Variants in AGBL4 observed in about 807,000 individuals in gnomAD.
The protein encoded by AGBL4 is cytosolic carboxypeptidase 6.
Under a neutral mutation model 66.4 loss-of-function variants are expected in AGBL4, and 58 were observed. That is an observed-to-expected ratio of 0.87 (90% CI 0.71 to 1.09). The LOEUF (loss-of-function observed/expected upper bound fraction) is 1.09, where lower values mean the gene tolerates loss of function less well. AGBL4 is among the 50% of genes least tolerant of loss of function. The pLI, the probability that AGBL4 is intolerant of heterozygous loss-of-function variation, is 0.00. For missense variants in AGBL4, 579 were observed against 631.0 expected (o/e 0.92, Z 0.88); for synonymous variants, 234 against 222.9 (o/e 1.05, Z -0.44).
chr1:49,889,591 C>T (rs897300744), intron 1 of AGBL4, among the ~76,000 whole-genome samples: 1 of 151,794 alleles, frequency 6.6e-6, no homozygotes, highest in Non-Finnish European at 1.5e-5. Flanking sequence ...CCCATCTCTA[C>T]TAAAAATACA....
intron 12 of AGBL4, among the ~76,000 whole-genome samples, chr1:48,536,413 A>G (rs949845054): frequency 6.6e-6 from 1 of 152,210 alleles, no homozygotes; most frequent in African/African-American, 2.4e-5. Flanking sequence ...ACATTACCCT[A>G]AAGGTAATGG....
chr1:48,556,957 T>C (rs1344187873), intron 11 of AGBL4, among the ~76,000 whole-genome samples: 1 of 152,040 alleles, frequency 6.6e-6, no homozygotes, highest in Non-Finnish European at 1.5e-5. Flanking sequence ...GCCTGGCTAA[T>C]TTTTTGTATT....
intron 4 of AGBL4, among the ~76,000 whole-genome samples, chr1:49,178,035 A>G (rs1646863009): frequency 6.6e-6 from 1 of 152,176 alleles, no homozygotes. Flanking sequence ...AAATTATAAC[A>G]TGTCCTAAGA....
At chr1:49,423,262 T>G (rs910456360) in intron 3 of AGBL4, 1 of 152,242 alleles carries the variant, frequency 6.6e-6, no homozygotes, top group Admixed American at 6.5e-5. Context: ...TAAAAGCTTC[T>G]TCAAGACAGG....
intron 3 of AGBL4, among the ~76,000 whole-genome samples, chr1:49,380,654 T>C (rs1470842989): frequency 1.3e-5 from 2 of 151,852 alleles, no homozygotes; most frequent in Non-Finnish European, 2.9e-5. Flanking sequence ...GAGATATAGA[T>C]CAATGGAACA....
intron 2 of AGBL4, among the ~76,000 whole-genome samples, chr1:49,770,550 T>A (rs1228451547): frequency 6.6e-6 from 1 of 152,208 alleles, no homozygotes; most frequent in African/African-American, 2.4e-5. Flanking sequence ...TTTGAAAGTA[T>A]TCCCTCCTCT....
chr1:49,454,739 C>T (rs1189442011), intron 3 of AGBL4, among the ~76,000 whole-genome samples: 3 of 151,470 alleles, frequency 2.0e-5, no homozygotes, highest in Admixed American at 6.6e-5. Context: ...GTGAGTATAA[C>T]GTGGTCCTTG....
At chr1:48,842,017 T>C (rs1646817462) in intron 6 of AGBL4, among the ~76,000 whole-genome samples, 1 of 152,216 alleles carries the variant, frequency 6.6e-6, no homozygotes. Context: ...TCAGTTTACA[T>C]TCTGACATGT....
chr1:49,201,037 C>T (rs904295490), intron 4 of AGBL4, among the ~76,000 whole-genome samples: 12 of 152,234 alleles, frequency 7.9e-5, no homozygotes, highest in Admixed American at 2.0e-4. Flanking sequence ...GATAGTCCAA[C>T]GGTTTTAGGA....
intron 2 of AGBL4, among the ~76,000 whole-genome samples, chr1:49,790,095 A>C (rs1310446864): frequency 3.3e-5 from 5 of 152,128 alleles, no homozygotes; most frequent in Non-Finnish European, 7.4e-5. Context: ...TTCCCTATTT[A>C]AGGCCAGGCA....
chr1:48,989,288 T>G (rs1028603045), intron 5 of AGBL4, among the ~76,000 whole-genome samples: 15 of 152,212 alleles, frequency 9.9e-5, no homozygotes, highest in South Asian at 6.2e-4. Context: ...TGATATATTT[T>G]GATACAGGCA....
intron 3 of AGBL4, among the ~76,000 whole-genome samples, chr1:49,479,318 C>T (rs1403727617): frequency 2.0e-5 from 3 of 151,062 alleles, no homozygotes; most frequent in Non-Finnish European, 3.0e-5. Flanking sequence ...ATTTTAAGTT[C>T]AGGGGTACAT....
At chr1:49,081,273 T>C (rs967949984) in intron 4 of AGBL4, among the ~76,000 whole-genome samples, 2 of 152,184 alleles carry the variant, frequency 1.3e-5, no homozygotes, top group African/African-American at 4.8e-5. Flanking sequence ...GAGCATCCCA[T>C]ATAAAAATGA....
intron 5 of AGBL4, among the ~76,000 whole-genome samples, chr1:49,008,916 G>C (rs1057394661): frequency 3.3e-5 from 5 of 151,780 alleles, no homozygotes; most frequent in African/African-American, 1.2e-4. Flanking sequence ...ATGCCCACAA[G>C]AGAAAGCAGG....
intron 5 of AGBL4, among the ~76,000 whole-genome samples, chr1:48,873,602 A>T (rs944825810): frequency 6.6e-6 from 1 of 152,086 alleles, no homozygotes; most frequent in African/African-American, 2.4e-5. Flanking sequence ...ACCAACAGAT[A>T]ATGCTCAATT....
chr1:49,692,269 G>A (rs1350268298), intron 3 of AGBL4, among the ~76,000 whole-genome samples: 1 of 152,078 alleles, frequency 6.6e-6, no homozygotes, highest in Non-Finnish European at 1.5e-5. Flanking sequence ...CAGGTAAAAC[G>A]GCTCATAAGT....
chr1:49,743,771 GA>G (rs1339454299), intron 2 of AGBL4, among the ~76,000 whole-genome samples: 1 of 151,922 alleles, frequency 6.6e-6, no homozygotes, highest in East Asian at 1.9e-4. Flanking sequence ...GATGAAGCTG[GA>G]AACCATCATT....
intron 4 of AGBL4, among the ~76,000 whole-genome samples, chr1:49,129,762 C>T (rs1299317945): frequency 6.6e-6 from 1 of 151,960 alleles, no homozygotes; most frequent in East Asian, 1.9e-4. Flanking sequence ...TGAATAGTGC[C>T]ACAATAAACA....
At chr1:48,623,353 C>G (rs1645447317) in intron 9 of AGBL4, among the ~76,000 whole-genome samples, 2 of 152,236 alleles carry the variant, frequency 1.3e-5, no homozygotes, top group South Asian at 4.1e-4. Context: ...GCTGATAAGG[C>G]TTCCCACAGT....
Sources: gnomAD v4.1 joint callset for allele counts (sites outside exome capture counted in the v4.1 genomes callset) on GRCh38, gnomAD v4.1.1 for gene constraint, MANE v1.5 for transcripts, NCBI Gene and HGNC (gene_info 2026-07-23, HGNC 2026-07-21) for gene names.